MAPK10: variants seen among roughly 807,000 people sequenced by gnomAD.
The protein encoded by MAPK10 is JNK3 alpha protein kinase.
In MAPK10, 25 loss-of-function variants were observed where a neutral mutation model predicts 59.3. The observed-to-expected ratio is 0.42, with a 90% CI of 0.31 to 0.59. The LOEUF (loss-of-function observed/expected upper bound fraction) is 0.59, where lower values mean the gene tolerates loss of function less well. Among genes scored for constraint, MAPK10 ranks in the 20% least tolerant of loss-of-function variants. The pLI, the probability that MAPK10 is intolerant of heterozygous loss-of-function variation, is 0.15. For missense variants in MAPK10, 351 were observed against 568.9 expected, an observed-to-expected ratio of 0.62 and a Z score of 3.90; for synonymous variants, 190 against 200.5, an observed-to-expected ratio of 0.95 and a Z score of 0.44.
chr4:86,145,038 A>G (rs2064564329), intron 4 of MAPK10, among the ~76,000 whole-genome samples: 1 of 152,178 alleles, frequency 6.6e-6, no homozygotes, highest in Non-Finnish European at 1.5e-5. Context: ...AAGCACTTCT[A>G]CCAATTAGTT....
intron 5 of MAPK10, 52 bp from the exon 6 acceptor site, chr4:86,103,296 G>T (rs759262147): frequency 1.1e-6 from 1 of 930,694 alleles, no homozygotes; most frequent in East Asian, 2.4e-5. Flanking sequence ...AAAAGAGAGA[G>T]AATGTATTAT....
At chr4:86,570,009 A>C (rs562226764) in intron 1 of MAPK10, among the ~76,000 whole-genome samples, 19 of 152,298 alleles carry the variant, frequency 1.2e-4, no homozygotes, top group Admixed American at 1.2e-3. Context: ...TCAGCTGAGA[A>C]AAAAAGTGAA....
chr4:86,459,259 T>C (rs955108886), intron 1 of MAPK10, among the ~76,000 whole-genome samples: 3 of 152,180 alleles, frequency 2.0e-5, no homozygotes, highest in African/African-American at 7.2e-5. Context: ...AAATAATAGA[T>C]GCTGGCGTGG....
chr4:86,031,080 A>C (rs573653923), intron 12 of MAPK10, among the ~76,000 whole-genome samples: 1 of 152,350 alleles, frequency 6.6e-6, no homozygotes, highest in East Asian at 1.9e-4. Context: ...CTTGCCCCCC[A>C]CCATGACAAA....
intron 1 of MAPK10, among the ~76,000 whole-genome samples, chr4:86,590,957 G>A (rs1421870286): frequency 6.6e-6 from 1 of 152,050 alleles, no homozygotes; most frequent in Admixed American, 6.6e-5. Context: ...ATTTTTTTTA[G>A]AGAAGGGATC....
intron 3 of MAPK10, among the ~76,000 whole-genome samples, chr4:86,190,158 A>G (rs2079325104): frequency 1.3e-5 from 2 of 152,052 alleles, no homozygotes; most frequent in African/African-American, 4.8e-5. Flanking sequence ...TCAGTATTTT[A>G]TTGAGGATTT....
chr4:86,264,889 T>C (rs1170845163), intron 2 of MAPK10, among the ~76,000 whole-genome samples: 4 of 64,022 alleles, frequency 6.2e-5, no homozygotes, highest in Admixed American at 3.1e-4. Context: ...GGCCCTGGAC[T>C]TTTTTTTTTT....
intron 2 of MAPK10, among the ~76,000 whole-genome samples, chr4:86,295,218 A>C (rs2095328636): frequency 6.6e-6 from 1 of 152,174 alleles, no homozygotes; most frequent in African/African-American, 2.4e-5. Flanking sequence ...TTTGTTGTTT[A>C]ACCCCCTCGG....
At chr4:86,310,249 G>C (rs964295214) in intron 2 of MAPK10, among the ~76,000 whole-genome samples, 1 of 152,092 alleles carries the variant, frequency 6.6e-6, no homozygotes, top group African/African-American at 2.4e-5. Context: ...GCCGTGCCCC[G>C]ACCACCTTGG....
At chr4:86,201,520 G>A (rs2082619359) in intron 2 of MAPK10, among the ~76,000 whole-genome samples, 1 of 151,694 alleles carries the variant, frequency 6.6e-6, no homozygotes, top group Non-Finnish European at 1.5e-5. Context: ...AATGGATAGT[G>A]GACTGTGGAT....
intron 1 of MAPK10, among the ~76,000 whole-genome samples, chr4:86,382,417 T>C (rs1740871999): frequency 6.6e-6 from 1 of 152,156 alleles, no homozygotes; most frequent in African/African-American, 2.4e-5. Context: ...TTATTCTAAT[T>C]GTACCCTATT....
exon 1 of MAPK10, chr4:86,594,033 C>T (rs910819796): frequency 5.9e-5 from 9 of 152,262 alleles, no homozygotes; most frequent in Admixed American, 2.6e-4. Context: ...ACTGCAGGCG[C>T]TAGGAACTCT....
At chr4:86,593,852 G>A (rs990413056) in intron 1 of MAPK10, 1 of 152,248 alleles carries the variant, frequency 6.6e-6, no homozygotes, top group Non-Finnish European at 1.5e-5. Context: ...AGCGCCCCGT[G>A]AGAATATAGA....
chr4:86,532,050 T>C (rs899932334), intron 1 of MAPK10, among the ~76,000 whole-genome samples: 1 of 147,672 alleles, frequency 6.8e-6, no homozygotes, highest in Non-Finnish European at 1.5e-5. Flanking sequence ...CATATATATA[T>C]TATTTTTTAT....
chr4:86,365,672 T>C (rs1265471899), intron 1 of MAPK10, among the ~76,000 whole-genome samples: 1 of 152,074 alleles, frequency 6.6e-6, no homozygotes, highest in Non-Finnish European at 1.5e-5. Flanking sequence ...GAGTGTTATG[T>C]TGTGATATAT....
intron 9 of MAPK10, among the ~76,000 whole-genome samples, chr4:86,094,844 C>A (rs905201628): frequency 6.6e-6 from 1 of 151,690 alleles, no homozygotes; most frequent in African/African-American, 2.4e-5. Flanking sequence ...AAATAATGGA[C>A]TTGGCCTATT....
At chr4:86,189,147 C>G (rs1190061846) in intron 3 of MAPK10, among the ~76,000 whole-genome samples, 1 of 152,088 alleles carries the variant, frequency 6.6e-6, no homozygotes, top group Admixed American at 6.6e-5. Context: ...GTTACTGTAG[C>G]CTTGTAATAT....
intron 1 of MAPK10, among the ~76,000 whole-genome samples, chr4:86,473,113 A>G (rs1752788886): frequency 6.6e-6 from 1 of 152,240 alleles, no homozygotes; most frequent in Admixed American, 6.5e-5. Context: ...AGATGAAATA[A>G]TGTCATTTCT....
At chr4:86,538,473 T>A (rs183158905) in intron 1 of MAPK10, among the ~76,000 whole-genome samples, 96 of 152,316 alleles carry the variant, frequency 6.3e-4, no homozygotes, top group Admixed American at 2.2e-3. Context: ...GTCCAATAAA[T>A]CTTAATTTCT....
Sources: allele counts gnomAD v4.1 joint callset (sites outside exome capture counted in the v4.1 genomes callset), GRCh38; gene constraint gnomAD v4.1.1; transcripts MANE v1.5; gene names NCBI Gene and HGNC (gene_info 2026-07-23, HGNC 2026-07-21).